Variants in AMZ2 observed in about 807,000 individuals in gnomAD.
The protein encoded by AMZ2 is archaemetzincin-2.
In AMZ2, 26 loss-of-function variants were observed where a neutral mutation model predicts 36.7. That is an observed-to-expected ratio of 0.71 (90% CI 0.52 to 0.98). The LOEUF is 0.98. Among genes scored for constraint, AMZ2 ranks in the 50% least tolerant of loss-of-function variants. The pLI is 0.00. For synonymous variants in AMZ2, 144 were observed against 149.1 expected, an observed-to-expected ratio of 0.97 and a Z score of 0.25; for missense variants, 394 against 430.5, an observed-to-expected ratio of 0.92 and a Z score of 0.75.
chr17:68,211,241 G>A (rs1555725832), intron 1 of AMZ2, among the ~76,000 whole-genome samples: 2 of 152,108 alleles, frequency 1.3e-5, no homozygotes, highest in African/African-American at 4.8e-5. Context: ...GGTGGCTCAC[G>A]CCTGTAATCC....
intron 1 of AMZ2, among the ~76,000 whole-genome samples, chr17:68,223,523 A>G (rs1210468693): frequency 1.3e-5 from 2 of 149,538 alleles, no homozygotes; most frequent in Non-Finnish European, 3.0e-5. Flanking sequence ...CTTCAATTCT[A>G]ACTAATGGAT....
chr17:68,224,198 C>T (rs1189527027), intron 1 of AMZ2, among the ~76,000 whole-genome samples: 2 of 152,224 alleles, frequency 1.3e-5, no homozygotes, highest in African/African-American at 4.8e-5. Flanking sequence ...CAGCCTCAGC[C>T]TCCCAAAATG....
At chr17:68,246,195 C>CAAAAAAAAAAAAAAAAA (rs57477453), upstream of AMZ2, among the ~76,000 whole-genome samples, 13 of 83,820 alleles carry the variant, frequency 1.6e-4, 1 homozygote, top group South Asian at 4.8e-4. Flanking sequence ...ACTAAAAATA[C>CAAAAAAAAAAAAAAAAA]AAAAAAAAAA....
At chr17:68,232,432 G>T (rs1773077737) in intron 1 of AMZ2, among the ~76,000 whole-genome samples, 4 of 149,144 alleles carry the variant, frequency 2.7e-5, no homozygotes, top group Admixed American at 2.0e-4. Flanking sequence ...GGAGTCTGAG[G>T]CTACAATAAA....
At chr17:68,231,654 C>T (rs766927475) in intron 1 of AMZ2, among the ~76,000 whole-genome samples, 6 of 146,986 alleles carry the variant, frequency 4.1e-5, no homozygotes, top group Non-Finnish European at 7.4e-5. Context: ...TGGGGACATA[C>T]TTGCTATTTG....
chr17:68,240,913 T>C (rs572729151), intron 1 of AMZ2, among the ~76,000 whole-genome samples: 44 of 152,322 alleles, frequency 2.9e-4, no homozygotes, highest in Non-Finnish European at 5.3e-4. Flanking sequence ...CATTTTCAGA[T>C]GTCAAAGATC....
intron 5 of AMZ2, among the ~76,000 whole-genome samples, chr17:68,255,405 G>C (rs1555742197): frequency 6.6e-6 from 1 of 152,170 alleles, no homozygotes; most frequent in Non-Finnish European, 1.5e-5. Context: ...CTAGTGGGTA[G>C]AGCCAGGGAT....
intron 3 of AMZ2, 39 bp from the exon 4 acceptor site, chr17:68,251,011 A>C: frequency 6.2e-7 from 1 of 1,605,786 alleles, no homozygotes; most frequent in South Asian, 1.1e-5. Flanking sequence ...ATATGTATAT[A>C]ATATACACTC....
chr17:68,240,797 G>C (rs2073885802), intron 1 of AMZ2, among the ~76,000 whole-genome samples: 1 of 152,170 alleles, frequency 6.6e-6, no homozygotes, highest in African/African-American at 2.4e-5. Context: ...GAAGTCAGAA[G>C]AAACTGGAGC....
intron 1 of AMZ2, among the ~76,000 whole-genome samples, chr17:68,237,948 G>T (rs1413590372): frequency 1.3e-5 from 2 of 152,180 alleles, no homozygotes; most frequent in African/African-American, 4.8e-5. Context: ...GAAGTGGGTC[G>T]CTGTCGCTGT....
chr17:68,223,447 G>A (rs2073420273), intron 1 of AMZ2, among the ~76,000 whole-genome samples: 1 of 152,188 alleles, frequency 6.6e-6, no homozygotes, highest in African/African-American at 2.4e-5. Flanking sequence ...TTGCTCAACA[G>A]TACAAGAGAT....
At position 68,221,085 on chromosome 17, in the gene AMZ2, T is replaced by G. The variant is rs553315045; in HGVS notation, c.-67+14847T>G. Among the ~76,000 whole-genome samples, 10 of 151,546 alleles carry G rather than the reference T, an allele frequency of 6.6e-5. No homozygotes were observed. In the South Asian group the frequency reaches 1.9e-3, roughly 29 times the overall value. On this transcript the variant is annotated intron_variant, in intron 1 of 7. Transcript: ENST00000674770. ...AGGCGTGAGCCACTGTGCCCAGCTG[T>G]TTCTTTTTCTTTTTTGAGGCAGAGT... is the stretch of plus-strand genomic sequence containing the variant.
chr17:68,243,043 C>CAAAAAAA (rs35857340), upstream of AMZ2, among the ~76,000 whole-genome samples: 3 of 105,082 alleles, frequency 2.9e-5, no homozygotes, highest in African/African-American at 1.0e-4. Context: ...GGCTCTGTCT[C>CAAAAAAA]AAAAAAAAAA....
chr17:68,241,963 T>C (rs1487935620), intron 1 of AMZ2, among the ~76,000 whole-genome samples: 15 of 151,488 alleles, frequency 9.9e-5, no homozygotes, highest in African/African-American at 3.6e-4. Flanking sequence ...CAGGCTGGTC[T>C]CAAACTCCTG....
chr17:68,206,542 G>C, intron 1 of AMZ2: 1 of 155,942 alleles, frequency 6.4e-6, no homozygotes. Context: ...GTCTCCACCG[G>C]GCAGGATTGA....
At chr17:68,228,224 G>C (rs2073566291) in intron 1 of AMZ2, among the ~76,000 whole-genome samples, 1 of 151,974 alleles carries the variant, frequency 6.6e-6, no homozygotes, top group Non-Finnish European at 1.5e-5. Flanking sequence ...TTGACCCCTG[G>C]TGCTCCTACC....
chr17:68,254,183 T>A (rs1883175347), intron 4 of AMZ2, among the ~76,000 whole-genome samples: 1 of 152,230 alleles, frequency 6.6e-6, no homozygotes, highest in Non-Finnish European at 1.5e-5. Context: ...CCATTAAGTT[T>A]TACAAGGCAA....
intron 1 of AMZ2, among the ~76,000 whole-genome samples, chr17:68,216,291 G>A (rs1158111863): frequency 1.3e-5 from 2 of 151,918 alleles, no homozygotes; most frequent in African/African-American, 4.8e-5. Flanking sequence ...GTGCCACCAC[G>A]CCCAGCTGAT....
intron 1 of AMZ2, among the ~76,000 whole-genome samples, chr17:68,240,406 T>C (rs2073877662): frequency 6.6e-6 from 1 of 152,116 alleles, no homozygotes; most frequent in South Asian, 2.1e-4. Flanking sequence ...AAAAGCAGAA[T>C]AGTTGAAAGT....
Sources: allele counts gnomAD v4.1 joint callset (sites outside exome capture counted in the v4.1 genomes callset), GRCh38; gene constraint gnomAD v4.1.1; transcripts MANE v1.5; gene names NCBI Gene and HGNC (gene_info 2026-07-23, HGNC 2026-07-21).